The following UGT1A9 variants were observed in gnomAD, a reference collection of about 807,000 sequenced individuals.
The protein encoded by UGT1A9 is UDP-glucuronosyltransferase 1A9.
Under a neutral mutation model 45.0 loss-of-function variants are expected in UGT1A9, and 35 were observed. The ratio of observed to expected loss-of-function variants is 0.78; its 90% CI spans 0.59 to 1.03. The LOEUF is 1.03. Among genes scored for constraint, UGT1A9 ranks in the 50% least tolerant of loss-of-function variants. The pLI is 0.00. For synonymous variants in UGT1A9, 278 were observed against 250.6 expected (o/e 1.11, Z -1.03); for missense variants, 687 against 666.6 (o/e 1.03, Z -0.34).
At chr2:233,718,637 T>G in intron 1 of UGT1A9, 10 of 1,451,642 alleles carry the variant, frequency 6.9e-6, no homozygotes, top group Non-Finnish European at 8.3e-6. Context: ...TTTCCCAGGG[T>G]TGGGCCCATA....
At chr2:233,713,794 C>A in intron 1 of UGT1A9, 1 of 1,614,030 alleles carries the variant, frequency 6.2e-7, no homozygotes, top group South Asian at 1.1e-5. Flanking sequence ...TACCCCAGGC[C>A]GATCATGCCC....
At chr2:233,675,103 T>C (rs113999124) in intron 1 of UGT1A9, among the ~76,000 whole-genome samples, 28 of 152,210 alleles carry the variant, frequency 1.8e-4, no homozygotes, top group African/African-American at 6.5e-4. Context: ...GGGGATTTTC[T>C]TGAAGGTCTC....
chr2:233,743,701 C>G (rs13009407), intron 1 of UGT1A9: 330,777 of 1,367,248 alleles, frequency 0.24, 43,102 homozygotes, highest in South Asian at 0.3. Flanking sequence ...CGCCCTCCGC[C>G]CCCGCCTCGC....
Position 233,729,571 on chromosome 2 carries a change from G to A in UGT1A9, c.856-37463G>A, listed in dbSNP as rs965988508. The A allele has an allele frequency of 3.7e-6, 6 of 1,613,982 alleles. No individual in the cohort carries two copies. In the African/African-American group the frequency reaches 6.7e-5, roughly 18 times the overall value. ...CCTGAATGCTACTTCCTTTGATGTG[G>A]TTTTAACAGACCCCGTTAACCTCTG... On this transcript the variant is annotated intron_variant, in intron 1 of 4. Transcript: ENST00000354728.
At position 233,729,868 on chromosome 2, in the gene UGT1A9, A is replaced by C. The variant is rs754430297; in HGVS notation, c.856-37166A>C. On this transcript the variant is annotated intron_variant, in intron 1 of 4. Coordinates refer to ENST00000354728, the MANE Select transcript of UGT1A9 (RefSeq NM_021027.3). ...TCAGAGAGAGGTGTCAGTGGTGGAT[A>C]TTCTCAGTCATGCATCTGTGTGGCT... is the stretch of plus-strand genomic sequence containing the variant. The C allele has an allele frequency of 2.6e-5, 42 of 1,613,556 alleles. No individual in the cohort carries two copies. The highest frequency in any genetic ancestry group is 8.3e-5 in the Admixed American group (5 of 59,972).
intron 1 of UGT1A9, 88 bp downstream of exon 1, chr2:233,672,877 T>C: frequency 6.6e-7 from 1 of 1,515,450 alleles, no homozygotes; most frequent in Non-Finnish European, 8.8e-7. Context: ...TTTGACATTT[T>C]CATTTGTTTC....
At chr2:233,714,647 C>A (rs886443122) in intron 1 of UGT1A9, among the ~76,000 whole-genome samples, 1 of 152,174 alleles carries the variant, frequency 6.6e-6, no homozygotes, top group African/African-American at 2.4e-5. Flanking sequence ...GTGAATAATG[C>A]ATTTTATTTA....
At chr2:233,764,961 TG>T (rs1172324167) in intron 1 of UGT1A9, among the ~76,000 whole-genome samples, 1 of 152,020 alleles carries the variant, frequency 6.6e-6, no homozygotes, top group Non-Finnish European at 1.5e-5. Context: ...GGGCTCACCT[TG>T]GGAGAAGGAT....
At chr2:233,754,746 A>G (rs1695573516) in intron 1 of UGT1A9, 1 of 757,186 alleles carries the variant, frequency 1.3e-6, no homozygotes, top group Non-Finnish European at 2.0e-6. Flanking sequence ...GGACATGCAG[A>G]AGGAAGAAAG....
intron 4 of UGT1A9, among the ~76,000 whole-genome samples, chr2:233,771,990 C>T (rs1700432517): frequency 6.6e-6 from 1 of 152,154 alleles, no homozygotes; most frequent in African/African-American, 2.4e-5. Flanking sequence ...TGGTGCATGA[C>T]TAATTCCAGC....
chr2:233,748,071 C>T, intron 1 of UGT1A9: 3 of 1,613,372 alleles, frequency 1.9e-6, no homozygotes, highest in East Asian at 2.2e-5. Context: ...CAGGAAGCCA[C>T]TATCTCAGGT....
At chr2:233,737,199 C>T (rs762867419) in intron 1 of UGT1A9, among the ~76,000 whole-genome samples, 7 of 152,222 alleles carry the variant, frequency 4.6e-5, no homozygotes, top group Non-Finnish European at 7.3e-5. Flanking sequence ...TGCTGAGCTG[C>T]GGTGGACTCT....
intron 1 of UGT1A9, among the ~76,000 whole-genome samples, chr2:233,722,821 T>C (rs1575543414): frequency 6.6e-6 from 1 of 151,782 alleles, no homozygotes; most frequent in African/African-American, 2.4e-5. Flanking sequence ...TTTCAAGTTA[T>C]TTTGTATTAT....
At chr2:233,765,730 T>TAATAAA (rs1427774434) in intron 1 of UGT1A9, among the ~76,000 whole-genome samples, 195 of 150,280 alleles carry the variant, frequency 1.3e-3, no homozygotes, top group Admixed American at 3.5e-3. Context: ...ATAATAATAA[T>TAATAAA]AAATAAACCC....
chr2:233,680,011 TTCTC>T (rs892879074), intron 1 of UGT1A9, among the ~76,000 whole-genome samples: 7 of 152,052 alleles, frequency 4.6e-5, no homozygotes, highest in Admixed American at 3.9e-4. Context: ...TTTTCTTTCT[TTCTC>T]TCTCTCTCTT....
At chr2:233,721,319 C>T (rs1043522637) in intron 1 of UGT1A9, among the ~76,000 whole-genome samples, 9 of 152,144 alleles carry the variant, frequency 5.9e-5, no homozygotes, top group African/African-American at 2.2e-4. Flanking sequence ...TGGCTCTTTT[C>T]TTGTGGTTTT....
rs199723856 is a variant in UGT1A9, at chr2:233,772,452, G to C, written c.1486G>C (p.Val496Leu). Residue 496 changes from valine (V) to leucine (L), a missense_variant, in exon 5 of 5, where the codon GTG (valine) becomes CTG (leucine). By Grantham distance (32) the Val-to-Leu change is conservative. Coordinates refer to ENST00000354728, the MANE Select transcript of UGT1A9 (RefSeq NM_021027.3). ...LDVIGFLLAV[V>L]LTVAFITFKC... Reference sequence around the variant, plus strand: ...CGTGATTGGTTTCCTCTTGGCCGTCGTGCTGACAGTGGCCTTCATCACCTT... The same window carrying C: ...CGTGATTGGTTTCCTCTTGGCCGTCCTGCTGACAGTGGCCTTCATCACCTT... 6.2e-7 allele frequency: 1 copy of C among 1,614,176 alleles called. No homozygotes were observed. Among genetic ancestry groups the C allele is most frequent in the Non-Finnish European group, 8.5e-7 (1 of 1,180,044 alleles).
intron 1 of UGT1A9, among the ~76,000 whole-genome samples, chr2:233,710,475 A>T (rs1055676950): frequency 6.6e-6 from 1 of 152,328 alleles, no homozygotes; most frequent in African/African-American, 2.4e-5. Context: ...TGTGTAGTAG[A>T]ATTTCATTGG....
intron 1 of UGT1A9, among the ~76,000 whole-genome samples, chr2:233,747,034 C>T (rs1693545520): frequency 6.6e-6 from 1 of 151,808 alleles, no homozygotes; most frequent in Non-Finnish European, 1.5e-5. Context: ...CGAAGTGGGA[C>T]CCATAATGAA....
Sources: gnomAD v4.1 joint callset for allele counts (sites outside exome capture counted in the v4.1 genomes callset) on GRCh38, gnomAD v4.1.1 for gene constraint, MANE v1.5 for transcripts, NCBI Gene and HGNC (gene_info 2026-07-23, HGNC 2026-07-21) for gene names.